Variants in RALGAPA2 observed in about 807,000 individuals in gnomAD.
RALGAPA2 encodes ral GTPase-activating protein subunit alpha-2.
In RALGAPA2, 139 loss-of-function variants were observed where a neutral mutation model predicts 230.4. That is an observed-to-expected ratio of 0.60 (90% CI 0.53 to 0.69). The LOEUF is 0.69. Among genes scored for constraint, RALGAPA2 ranks in the 30% least tolerant of loss-of-function variants. The pLI, the probability that RALGAPA2 is intolerant of heterozygous loss-of-function variation, is 0.00. For synonymous variants in RALGAPA2, 847 were observed against 837.8 expected, an observed-to-expected ratio of 1.01 and a Z score of -0.19; for missense variants, 2,163 against 2,276.0, an observed-to-expected ratio of 0.95 and a Z score of 1.01.
At chr20:20,421,809 G>A (rs1020694365) in intron 37 of RALGAPA2, among the ~76,000 whole-genome samples, 1 of 152,156 alleles carries the variant, frequency 6.6e-6, no homozygotes, top group African/African-American at 2.4e-5. Context: ...GAAAATATAT[G>A]TTCACATAAA....
intron 12 of RALGAPA2, among the ~76,000 whole-genome samples, chr20:20,617,215 A>C (rs2066173002): frequency 6.6e-6 from 1 of 152,250 alleles, no homozygotes; most frequent in Non-Finnish European, 1.5e-5. Flanking sequence ...AATTTTTTAA[A>C]GTATTGTATC....
intron 1 of RALGAPA2, among the ~76,000 whole-genome samples, chr20:20,705,444 C>A (rs930986085): frequency 6.6e-6 from 1 of 152,026 alleles, no homozygotes; most frequent in African/African-American, 2.4e-5. Flanking sequence ...CTGGGCTGAT[C>A]CTCTCACTTA....
At chr20:20,656,624 T>G (rs936947627) in intron 3 of RALGAPA2, among the ~76,000 whole-genome samples, 1 of 152,162 alleles carries the variant, frequency 6.6e-6, no homozygotes, top group African/African-American at 2.4e-5. Flanking sequence ...AACTGGGTTG[T>G]TATGTTATGT....
At chr20:20,400,965 T>A (rs2059821554) in intron 38 of RALGAPA2, among the ~76,000 whole-genome samples, 1 of 152,212 alleles carries the variant, frequency 6.6e-6, no homozygotes, top group South Asian at 2.1e-4. Context: ...ATATGAAATG[T>A]CCAGAATGGG....
intron 18 of RALGAPA2, among the ~76,000 whole-genome samples, chr20:20,587,890 T>A (rs1203088384): frequency 2.0e-5 from 3 of 146,938 alleles, no homozygotes; most frequent in African/African-American, 7.6e-5. Context: ...TATGGGAAGA[T>A]TTTTAACCTT....
chr20:20,409,875 TAAAAC>T (rs1195681234), intron 38 of RALGAPA2, among the ~76,000 whole-genome samples: 2 of 152,166 alleles, frequency 1.3e-5, no homozygotes. Flanking sequence ...TGCAAAGAAT[TAAAAC>T]AGAACATTAT....
intron 26 of RALGAPA2, among the ~76,000 whole-genome samples, chr20:20,533,604 G>C (rs2063423939): frequency 6.6e-6 from 1 of 151,982 alleles, no homozygotes; most frequent in Admixed American, 6.6e-5. Context: ...AATCAGACAG[G>C]ATACAGAATA....
Position 20,582,981 on chromosome 20 carries a change from G to C in RALGAPA2, c.2707+69C>G, listed in dbSNP as rs6046943. On this transcript the variant is annotated intron_variant, in intron 20 of 39. Transcript: ENST00000202677. ...CTGTTTCAGAACCCTCTGTATACAAGACTCCAATGATTCACAACTGATCTC... is the reference window on the plus strand; with the variant it reads ...CTGTTTCAGAACCCTCTGTATACAACACTCCAATGATTCACAACTGATCTC... The C allele has an allele frequency of 6.5e-4, 978 of 1,504,018 alleles. 7 individuals carry two copies. In the African/African-American group the frequency reaches 0.012, roughly 18 times the overall value. 93.2% of individuals were successfully genotyped at this position (1,504,018 alleles called of 1,614,324 possible). A position where few individuals can be genotyped will look rare whatever the true frequency, so the allele number is the denominator to read the frequency against.
At chr20:20,702,647 C>T (rs1427001613) in intron 1 of RALGAPA2, among the ~76,000 whole-genome samples, 1 of 152,168 alleles carries the variant, frequency 6.6e-6, no homozygotes, top group Non-Finnish European at 1.5e-5. Flanking sequence ...CAGGGAGCAG[C>T]AGCTGGGGCC....
intron 37 of RALGAPA2, among the ~76,000 whole-genome samples, chr20:20,442,974 T>C (rs896234495): frequency 6.6e-6 from 1 of 152,194 alleles, no homozygotes; most frequent in Non-Finnish European, 1.5e-5. Context: ...AAAGATACGC[T>C]AGCATAGCCT....
chr20:20,608,557 C>A (rs902250850), intron 14 of RALGAPA2, among the ~76,000 whole-genome samples: 1 of 152,056 alleles, frequency 6.6e-6, no homozygotes, highest in Non-Finnish European at 1.5e-5. Context: ...AAAAATGTCC[C>A]GTCCCTTTTA....
chr20:20,657,376 A>T (rs1034729343), intron 3 of RALGAPA2, among the ~76,000 whole-genome samples: 2 of 152,246 alleles, frequency 1.3e-5, no homozygotes, highest in Non-Finnish European at 2.9e-5. Context: ...CGAAGGTGTG[A>T]AGAGCTGGAA....
intron 2 of RALGAPA2, among the ~76,000 whole-genome samples, chr20:20,676,503 G>C (rs991543909): frequency 3.4e-5 from 5 of 145,826 alleles, no homozygotes; most frequent in African/African-American, 1.3e-4. Context: ...CCCCTTGCTA[G>C]CTGTTTGAAC....
At chr20:20,581,151 G>A (rs1251416387) in intron 20 of RALGAPA2, among the ~76,000 whole-genome samples, 1 of 152,090 alleles carries the variant, frequency 6.6e-6, no homozygotes, top group African/African-American at 2.4e-5. Context: ...TCACAACATG[G>A]AGTGCATCAT....
At chr20:20,641,979 T>C (rs1037191731) in intron 5 of RALGAPA2, among the ~76,000 whole-genome samples, 3 of 151,436 alleles carry the variant, frequency 2.0e-5, no homozygotes, top group Non-Finnish European at 4.4e-5. Context: ...ATTCACAGTG[T>C]ACTTCCAAAC....
intron 36 of RALGAPA2, among the ~76,000 whole-genome samples, chr20:20,493,558 GT>G (rs2062122452): frequency 6.6e-6 from 1 of 152,046 alleles, no homozygotes; most frequent in Non-Finnish European, 1.5e-5. Flanking sequence ...TGGCTTGCAT[GT>G]TTTTTACTTA....
intron 37 of RALGAPA2, among the ~76,000 whole-genome samples, chr20:20,438,185 G>A (rs1012401579): frequency 2.6e-5 from 4 of 152,186 alleles, no homozygotes; most frequent in Admixed American, 1.3e-4. Flanking sequence ...ACCTGTGACT[G>A]TGTCACCAGT....
At chr20:20,446,714 T>C (rs2060873015) in intron 37 of RALGAPA2, among the ~76,000 whole-genome samples, 1 of 152,174 alleles carries the variant, frequency 6.6e-6, no homozygotes, top group Admixed American at 6.5e-5. Flanking sequence ...GGCCTGGTGG[T>C]TCTACATAAA....
intron 37 of RALGAPA2, among the ~76,000 whole-genome samples, chr20:20,436,418 C>T (rs1055417486): frequency 8.5e-5 from 13 of 152,226 alleles, no homozygotes; most frequent in Admixed American, 6.5e-4. Flanking sequence ...TCTTTCTTTG[C>T]TCAAACACGT....
Sources: gnomAD v4.1 joint callset for allele counts (sites outside exome capture counted in the v4.1 genomes callset) on GRCh38, gnomAD v4.1.1 for gene constraint, MANE v1.5 for transcripts, NCBI Gene and HGNC (gene_info 2026-07-23, HGNC 2026-07-21) for gene names.